The following GRIA4 variants were observed in gnomAD, a reference collection of about 807,000 sequenced individuals.
The protein encoded by GRIA4 is glutamate receptor 4.
A neutral mutation model predicts 104.0 loss-of-function variants in GRIA4; 34 were observed. That is an observed-to-expected ratio of 0.33 (90% CI 0.25 to 0.44). The LOEUF (loss-of-function observed/expected upper bound fraction) is 0.44, where lower values mean the gene tolerates loss of function less well. Ranked by LOEUF, GRIA4 falls within the 20% of genes least tolerant of loss-of-function variation. GRIA4 has a pLI of 1.00. For synonymous variants in GRIA4, 386 were observed against 381.9 expected (o/e 1.01, Z -0.13); for missense variants, 750 against 1,096.5 (o/e 0.68, Z 4.46).
intron 3 of GRIA4, among the ~76,000 whole-genome samples, chr11:105,739,836 A>T (rs1446232373): frequency 1.3e-5 from 2 of 152,194 alleles, no homozygotes; most frequent in Non-Finnish European, 2.9e-5. Flanking sequence ...GGCTAATAAG[A>T]TTTATTTTAA....
At chr11:105,806,147 T>G (rs1341374851) in intron 4 of GRIA4, among the ~76,000 whole-genome samples, 1 of 151,882 alleles carries the variant, frequency 6.6e-6, no homozygotes, top group African/African-American at 2.4e-5. Context: ...CTGAATTCTT[T>G]GTTTGTTTGT....
intron 11 of GRIA4, among the ~76,000 whole-genome samples, chr11:105,919,813 G>A (rs763483931): frequency 6.6e-5 from 10 of 152,122 alleles, no homozygotes; most frequent in Non-Finnish European, 1.3e-4. Flanking sequence ...TACTCGAAAT[G>A]TAATATGAAA....
At chr11:105,633,304 C>T (rs1183037920) in intron 3 of GRIA4, among the ~76,000 whole-genome samples, 2 of 152,140 alleles carry the variant, frequency 1.3e-5, no homozygotes, top group African/African-American at 4.8e-5. Context: ...ATACATATTT[C>T]TACATATTTA....
intron 3 of GRIA4, among the ~76,000 whole-genome samples, chr11:105,742,797 C>T (rs960993070): frequency 6.6e-6 from 1 of 152,028 alleles, no homozygotes; most frequent in East Asian, 1.9e-4. Context: ...AGTGCAGTGG[C>T]GAGATCTCAG....
chr11:105,766,280 C>T (rs1343979695), intron 4 of GRIA4, among the ~76,000 whole-genome samples: 1 of 152,084 alleles, frequency 6.6e-6, no homozygotes, highest in Non-Finnish European at 1.5e-5. Flanking sequence ...AGGGATTATG[C>T]TTTCATGTAA....
At chr11:105,810,468 A>G (rs1369340685) in intron 4 of GRIA4, among the ~76,000 whole-genome samples, 1 of 152,172 alleles carries the variant, frequency 6.6e-6, no homozygotes, top group African/African-American at 2.4e-5. Flanking sequence ...TTGCCATGCA[A>G]GTCAGTTTAA....
At chr11:105,965,675 G>T (rs1204385684) in intron 14 of GRIA4, among the ~76,000 whole-genome samples, 2 of 86,410 alleles carry the variant, frequency 2.3e-5, no homozygotes, top group Non-Finnish European at 4.9e-5. Context: ...TTACTGTTTT[G>T]CCAAAAAAAA....
At chr11:105,884,832 TG>T (rs1280460602) in intron 5 of GRIA4, among the ~76,000 whole-genome samples, 1 of 152,230 alleles carries the variant, frequency 6.6e-6, no homozygotes, top group African/African-American at 2.4e-5. Flanking sequence ...AGACACCCAG[TG>T]CAGAATTTTT....
intron 4 of GRIA4, among the ~76,000 whole-genome samples, chr11:105,785,388 A>ATAAATAAATATATTTATTTCT (rs1941914578): frequency 6.6e-6 from 1 of 152,210 alleles, no homozygotes; most frequent in African/African-American, 2.4e-5. Flanking sequence ...TTTCTATTAA[A>ATAAATAAATATATTTATTTCT]TGAGGAATAA....
chr11:105,812,250 CTG>C (rs992701877), intron 4 of GRIA4, among the ~76,000 whole-genome samples: 74 of 152,286 alleles, frequency 4.9e-4, no homozygotes, highest in African/African-American at 1.7e-3. Flanking sequence ...CAATTTCTAC[CTG>C]TGTGTCTCCA....
At chr11:105,801,669 T>C (rs1174830907) in intron 4 of GRIA4, among the ~76,000 whole-genome samples, 1 of 152,074 alleles carries the variant, frequency 6.6e-6, no homozygotes, top group African/African-American at 2.4e-5. Context: ...GTCTACAATG[T>C]ACAAGTACTA....
At chr11:105,937,801 C>G (rs1948083635) in intron 14 of GRIA4, among the ~76,000 whole-genome samples, 2 of 152,154 alleles carry the variant, frequency 1.3e-5, no homozygotes, top group South Asian at 2.1e-4. Flanking sequence ...TAAAAGAAAG[C>G]AGTTCCAATA....
chr11:105,778,826 G>A (rs897102210), intron 4 of GRIA4, among the ~76,000 whole-genome samples: 7 of 151,712 alleles, frequency 4.6e-5, no homozygotes, highest in Non-Finnish European at 8.8e-5. Context: ...GGGTACATGC[G>A]CACAACGTGC....
intron 4 of GRIA4, among the ~76,000 whole-genome samples, chr11:105,838,795 T>A (rs992748436): frequency 6.6e-6 from 1 of 152,130 alleles, no homozygotes; most frequent in African/African-American, 2.4e-5. Flanking sequence ...TGAGGCAGGA[T>A]TGCTACCTCG....
At chr11:105,957,905 C>A (rs539461496) in intron 14 of GRIA4, among the ~76,000 whole-genome samples, 1 of 152,196 alleles carries the variant, frequency 6.6e-6, no homozygotes, top group South Asian at 2.1e-4. Flanking sequence ...TGATTTGGCT[C>A]TCTGTTTGTC....
intron 4 of GRIA4, among the ~76,000 whole-genome samples, chr11:105,765,084 T>C (rs1940869210): frequency 6.6e-6 from 1 of 152,172 alleles, no homozygotes; most frequent in Non-Finnish European, 1.5e-5. Context: ...CAGCCATATG[T>C]CTATATGGGG....
intron 3 of GRIA4, among the ~76,000 whole-genome samples, chr11:105,626,734 G>A (rs770101021): frequency 2.0e-5 from 3 of 152,164 alleles, no homozygotes; most frequent in Non-Finnish European, 4.4e-5. Context: ...TGTGCCAACA[G>A]TTCTAGATTC....
intron 3 of GRIA4, among the ~76,000 whole-genome samples, chr11:105,696,495 G>A (rs185725562): frequency 6.6e-6 from 1 of 151,918 alleles, no homozygotes; most frequent in African/African-American, 2.4e-5. Flanking sequence ...CATATTTGGG[G>A]GCTTCCTAAG....
intron 3 of GRIA4, chr11:105,613,914 G>C (rs939440780): frequency 1.3e-5 from 2 of 151,892 alleles, no homozygotes; most frequent in Admixed American, 6.6e-5. Context: ...TTTTTATTCA[G>C]AAGTGCACAT....
Sources: gnomAD v4.1 joint callset for allele counts (sites outside exome capture counted in the v4.1 genomes callset) on GRCh38, gnomAD v4.1.1 for gene constraint, MANE v1.5 for transcripts, NCBI Gene and HGNC (gene_info 2026-07-23, HGNC 2026-07-21) for gene names.